Variants in CMKLR1 observed in about 807,000 individuals in gnomAD.
CMKLR1 encodes the protein chemerin-like receptor 1.
CMKLR1 carries 6 observed loss-of-function variants against 8.2 expected under a neutral mutation model. The observed-to-expected ratio is 0.73, with a 90% CI of 0.40 to 1.44. The LOEUF (loss-of-function observed/expected upper bound fraction) is 1.44. Among genes scored for constraint, CMKLR1 ranks in the 40% most tolerant of loss-of-function variants. The pLI, the probability that CMKLR1 is intolerant of heterozygous loss-of-function variation, is 0.02. For synonymous variants in CMKLR1, 178 were observed against 181.2 expected, an observed-to-expected ratio of 0.98 and a Z score of 0.14; for missense variants, 429 against 478.0, an observed-to-expected ratio of 0.90 and a Z score of 0.96.
intron 2 of CMKLR1, among the ~76,000 whole-genome samples, chr12:108,326,337 C>G (rs1348913186): frequency 6.6e-6 from 1 of 152,214 alleles, no homozygotes; most frequent in Non-Finnish European, 1.5e-5. Context: ...GTCCCCCACC[C>G]TGAGCACTCT....
rs112742062 is a variant in CMKLR1 at position 108,311,633 on chromosome 12, G to GA, written c.-73-17970dup. On this transcript the variant is annotated intron_variant, in intron 2 of 3. Transcript: ENST00000550402. ...AGAGCAAGACTTTGCCTCCTAAAAA[G>GA]AAAAAAAGTGCCAGGGAAAGGACGC... Among the ~76,000 whole-genome samples the GA allele has an allele frequency of 6.1e-3, 928 of 152,118 alleles. 7 individuals carry two copies. Among genetic ancestry groups the GA allele is most frequent in the African/African-American group, 0.021 (856 of 41,506 alleles).
intron 1 of CMKLR1, among the ~76,000 whole-genome samples, chr12:108,331,000 G>A (rs78543582): frequency 6.6e-6 from 1 of 152,110 alleles, no homozygotes; most frequent in African/African-American, 2.4e-5. Flanking sequence ...TCTCTTACAG[G>A]GGGGAAGAGA....
chr12:108,328,364 G>A (rs991679415), intron 2 of CMKLR1, among the ~76,000 whole-genome samples: 6 of 152,272 alleles, frequency 3.9e-5, no homozygotes, highest in African/African-American at 1.4e-4. Flanking sequence ...CCAAGGCCAC[G>A]CTTTATTTTT....
chr12:108,297,509 T>C (rs1427979839), intron 2 of CMKLR1, among the ~76,000 whole-genome samples: 1 of 152,204 alleles, frequency 6.6e-6, no homozygotes, highest in African/African-American at 2.4e-5. Flanking sequence ...GTGTACATAA[T>C]ATGTACATAC....
intron 2 of CMKLR1, 145 bp from the exon 3 acceptor site, chr12:108,293,809 T>C: frequency 1.6e-6 from 1 of 615,446 alleles, no homozygotes; most frequent in South Asian, 2.0e-5. Flanking sequence ...AAGGCTGTTA[T>C]TCAGCCAAGG....
intron 1 of CMKLR1, among the ~76,000 whole-genome samples, chr12:108,337,502 C>T (rs957700349): frequency 8.5e-5 from 13 of 152,096 alleles, no homozygotes; most frequent in African/African-American, 2.7e-4. Flanking sequence ...AGGGGCCTCC[C>T]GGCTAGAAGG....
In CMKLR1 at chr12:108,292,020, G is replaced by C. The variant is rs1419140209; in HGVS notation, c.943C>G (p.Leu315Val). The C allele has an allele frequency of 1.6e-5, 26 of 1,614,200 alleles. No homozygotes were observed. Among genetic ancestry groups the C allele is most frequent in the Non-Finnish European group, 2.2e-5 (26 of 1,180,032 alleles). Reference sequence around the variant, plus strand: ...AAGTCCTGACCCATGAAAACATACAGAATGGGGTTCATGCAGCTGTTGGCA... The same window carrying C: ...AAGTCCTGACCCATGAAAACATACACAATGGGGTTCATGCAGCTGTTGGCA... ...AIANSCMNPI[L>V]YVFMGQDFKK... The change falls in exon 4 of 4, where the codon CTG becomes GTG. Residue 315 changes from leucine (L) to valine (V), a missense_variant. Coordinates refer to ENST00000550402, the MANE Select transcript of CMKLR1 (RefSeq NM_001142343.2).
rs1167219136 is a variant in CMKLR1, at chr12:108,293,675, A to G, written c.-73-11T>C. The stretch of plus-strand genomic sequence containing the variant: ...CACAGCTAGAAACACCTGTAGGGAA[A>G]AAAAAAAAAAAAAAAGCAGCAATTG... On this transcript the variant is annotated splice_polypyrimidine_tract_variant and intron_variant, in intron 2 of 3. Coordinates refer to ENST00000550402, the MANE Select transcript of CMKLR1 (RefSeq NM_001142343.2). 3,498 of 868,980 alleles carry G rather than the reference A, an allele frequency of 4.0e-3. 1 individual carries two copies. The highest frequency in any genetic ancestry group is 4.7e-3 in the Non-Finnish European group (2,990 of 635,632). The allele number at this position is 868,980 out of a possible 1,614,324, so 53.8% of individuals were successfully genotyped here.
intron 2 of CMKLR1, among the ~76,000 whole-genome samples, chr12:108,310,724 G>C (rs926248822): frequency 2.6e-5 from 4 of 152,118 alleles, no homozygotes; most frequent in Admixed American, 6.5e-5. Context: ...CCAGTCCTGG[G>C]GGCTGGGAGC....
At chr12:108,301,109 C>A in intron 2 of CMKLR1, among the ~76,000 whole-genome samples, 1 of 132,358 alleles carries the variant, frequency 7.6e-6, no homozygotes, top group Admixed American at 8.4e-5. Flanking sequence ...CGAAGTCTCA[C>A]TCTGTTGCCA....
At chr12:108,306,831 C>T (rs10778620) in intron 2 of CMKLR1, among the ~76,000 whole-genome samples, 99,921 of 151,986 alleles carry the variant, frequency 0.66, 33,028 homozygotes, top group South Asian at 0.74. Context: ...AGCCTCATTA[C>T]TTTATTGGAC....
chr12:108,293,077 T>A, intron 3 of CMKLR1, 118 bp from the exon 4 acceptor site: 2 of 937,720 alleles, frequency 2.1e-6, no homozygotes, highest in Non-Finnish European at 3.2e-6. Context: ...TTTTGTGATT[T>A]AACCATTTCC....
chr12:108,320,093 G>A (rs1345876141), intron 2 of CMKLR1, among the ~76,000 whole-genome samples: 1 of 152,126 alleles, frequency 6.6e-6, no homozygotes, highest in African/African-American at 2.4e-5. Flanking sequence ...CCTGGACACA[G>A]TGAAATTTGA....
chr12:108,310,873 G>T (rs921494519), intron 2 of CMKLR1, among the ~76,000 whole-genome samples: 37 of 152,112 alleles, frequency 2.4e-4, no homozygotes, highest in African/African-American at 8.2e-4. Context: ...GCAGTGCTGA[G>T]GGGCAGCCAG....
At chr12:108,313,616 T>C (rs953996296) in intron 2 of CMKLR1, among the ~76,000 whole-genome samples, 9 of 152,206 alleles carry the variant, frequency 5.9e-5, no homozygotes, top group African/African-American at 2.2e-4. Flanking sequence ...AGGGGTGTCC[T>C]GGGATGCAGA....
chr12:108,318,154 TG>T (rs1891777692), intron 2 of CMKLR1, among the ~76,000 whole-genome samples: 1 of 152,244 alleles, frequency 6.6e-6, no homozygotes, highest in African/African-American at 2.4e-5. Flanking sequence ...TCCGGTTTCT[TG>T]CTGTTACAAT....
intron 2 of CMKLR1, among the ~76,000 whole-genome samples, chr12:108,298,907 G>T (rs937184670): frequency 3.9e-5 from 6 of 152,256 alleles, no homozygotes; most frequent in Non-Finnish European, 8.8e-5. Flanking sequence ...GACGGTCCCA[G>T]GAGGGCTCCA....
chr12:108,301,644 A>C (rs1593161841), intron 2 of CMKLR1, among the ~76,000 whole-genome samples: 1 of 152,252 alleles, frequency 6.6e-6, no homozygotes, highest in East Asian at 1.9e-4. Flanking sequence ...AGCCAAGCCC[A>C]TTAGAAATGT....
Position 108,319,905 on chromosome 12 carries a change from C to T in CMKLR1, c.-74+10090G>A, listed in dbSNP as rs536011116. The stretch of plus-strand genomic sequence containing the variant: ...TACATTCAATAAACCTTACTGAGCA[C>T]ATATTACCTGCCAGGTGTCAGGCTG... On this transcript the variant is annotated intron_variant, in intron 2 of 3. Coordinates refer to ENST00000550402, the MANE Select transcript of CMKLR1 (RefSeq NM_001142343.2). Among the ~76,000 whole-genome samples the T allele has an allele frequency of 6.6e-5, 10 of 152,246 alleles. No individual in the cohort carries two copies. In the East Asian group the frequency reaches 1.9e-3, roughly 29 times the overall value.
Sources: gnomAD v4.1 joint callset for allele counts (sites outside exome capture counted in the v4.1 genomes callset) on GRCh38, gnomAD v4.1.1 for gene constraint, MANE v1.5 for transcripts, NCBI Gene and HGNC (gene_info 2026-07-23, HGNC 2026-07-21) for gene names.